The following KDR variants were observed in gnomAD, a reference collection of about 807,000 sequenced individuals.
The protein encoded by KDR is kinase insert domain receptor.
A neutral mutation model predicts 160.9 loss-of-function variants in KDR; 43 were observed. The ratio of observed to expected loss-of-function variants is 0.27; its 90% CI spans 0.21 to 0.34. The LOEUF is 0.34. Ranked by LOEUF, KDR falls within the 10% of genes least tolerant of loss-of-function variation. The pLI is 1.00. For missense variants in KDR, 1,469 were observed against 1,666.4 expected (o/e 0.88, Z 2.06); for synonymous variants, 617 against 600.1 (o/e 1.03, Z -0.41).
At position 55,110,326 on chromosome 4, in the gene KDR, G is replaced by A. The variant is rs556996426; in HGVS notation, c.1255+77C>T. 4.1e-6 allele frequency: 6 copies of A among 1,450,280 alleles called. No homozygotes were observed. In the African/African-American group the frequency reaches 7.0e-5, roughly 17 times the overall value. The allele number at this position is 1,450,280 out of a possible 1,614,324, so 89.8% of individuals were successfully genotyped here. ...ATGAGTGAAGCAGCAGGAGGCAGAGGAACGGTGGTTTGGCTGATTTGGAAG... is the reference window on the plus strand; with the variant it reads ...ATGAGTGAAGCAGCAGGAGGCAGAGAAACGGTGGTTTGGCTGATTTGGAAG... On this transcript the variant is annotated intron_variant, in intron 9 of 29. Coordinates refer to ENST00000263923, the MANE Select transcript of KDR (RefSeq NM_002253.4).
At chr4:55,101,588 T>C (rs1479462989) in intron 15 of KDR, among the ~76,000 whole-genome samples, 3 of 152,176 alleles carry the variant, frequency 2.0e-5, no homozygotes, top group Non-Finnish European at 4.4e-5. Flanking sequence ...GCTGCACCTA[T>C]TAATCCATCT....
chr4:55,109,884 A>G (rs1399453480), intron 9 of KDR, among the ~76,000 whole-genome samples: 3 of 152,120 alleles, frequency 2.0e-5, no homozygotes, highest in Admixed American at 6.5e-5. Flanking sequence ...TCAAAATCAG[A>G]TCCTGAACTC....
In KDR at chr4:55,079,695, G is replaced by C. The variant is rs1019988006; in HGVS notation, c.*246C>G. 1.8e-6 allele frequency: 1 copy of C among 565,172 alleles called. No individual in the cohort carries two copies. Among genetic ancestry groups the C allele is most frequent in the Admixed American group, 3.0e-5 (1 of 33,162 alleles). 35.0% of individuals were successfully genotyped at this position (565,172 alleles called of 1,614,324 possible). ...ACCCGCAGCAGGGGGCATGATAAAT[G>C]CTTTTTAAATGAATGAAAAAGAGGA... is the stretch of plus-strand genomic sequence containing the variant. On this transcript the variant is annotated 3_prime_UTR_variant, in exon 30 of 30. Transcript: ENST00000263923.
At chr4:55,090,985 G>T (rs980983173) in intron 22 of KDR, among the ~76,000 whole-genome samples, 4 of 148,874 alleles carry the variant, frequency 2.7e-5, no homozygotes, top group African/African-American at 7.4e-5. Flanking sequence ...CTCCCAAGTA[G>T]TTGGGACCAC....
At position 55,079,852 on chromosome 4, in the gene KDR, A is replaced by G; in HGVS notation, c.*89T>C. The G allele has an allele frequency of 8.5e-7, 1 of 1,170,580 alleles. No homozygotes were observed. The highest frequency in any genetic ancestry group is 1.3e-6 in the Non-Finnish European group (1 of 776,850). The allele number at this position is 1,170,580 out of a possible 1,614,324, so 72.5% of individuals were successfully genotyped here. ...GTCGAAATGAAAATCAAATGCGGCT[A>G]CTTCCTGCTGGTGGAAAGAACAACA... On this transcript the variant is annotated 3_prime_UTR_variant, in exon 30 of 30. Transcript: ENST00000263923.
chr4:55,118,487 C>T (rs1720786897), intron 3 of KDR, 117 bp downstream of exon 3: 4 of 787,420 alleles, frequency 5.1e-6, no homozygotes, highest in Non-Finnish European at 6.6e-6. Context: ...TGTGTGTATT[C>T]CTCTTGGCAA....
chr4:55,118,157 C>CA (rs1231217725), intron 3 of KDR, among the ~76,000 whole-genome samples: 1 of 152,088 alleles, frequency 6.6e-6, no homozygotes, highest in Non-Finnish European at 1.5e-5. Context: ...TTCCTATGTG[C>CA]AAAAAACTCC....
At chr4:55,085,930 G>A (rs1203850067) in intron 27 of KDR, among the ~76,000 whole-genome samples, 1 of 152,162 alleles carries the variant, frequency 6.6e-6, no homozygotes, top group East Asian at 1.9e-4. Flanking sequence ...AGCACCCGGT[G>A]AGCCAGGAGG....
At position 55,079,473 on chromosome 4, in the gene KDR, T is replaced by C. The variant is rs1719669431; in HGVS notation, c.*468A>G. The C allele has an allele frequency of 6.8e-6, 2 of 295,842 alleles. No homozygotes were observed. Among genetic ancestry groups the C allele is most frequent in the Non-Finnish European group, 1.3e-5 (2 of 155,538 alleles). The allele number at this position is 295,842 out of a possible 1,614,324, so 18.3% of individuals were successfully genotyped here. On this transcript the variant is annotated 3_prime_UTR_variant, in exon 30 of 30. Transcript: ENST00000263923. ...CAATCCGAATTCCACACTTAAGGCT[T>C]GGCTTGGGACCCACGTCCTAAACAA... is the stretch of plus-strand genomic sequence containing the variant.
intron 27 of KDR, among the ~76,000 whole-genome samples, chr4:55,087,398 T>G (rs1719889842): frequency 6.6e-6 from 1 of 152,254 alleles, no homozygotes; most frequent in African/African-American, 2.4e-5. Flanking sequence ...GGCAATGCTG[T>G]GGCAGCAGCG....
In KDR at chr4:55,079,463, A is replaced by T; in HGVS notation, c.*478T>A. 3.4e-6 allele frequency: 1 copy of T among 290,348 alleles called. No homozygotes were observed. The highest frequency in any genetic ancestry group is 8.3e-5 in the South Asian group (1 of 12,008). 18.0% of individuals were successfully genotyped at this position (290,348 alleles called of 1,614,324 possible). On this transcript the variant is annotated 3_prime_UTR_variant, in exon 30 of 30. Transcript: ENST00000263923. ...TCCTTTCTATCAATCCGAATTCCAC[A>T]CTTAAGGCTTGGCTTGGGACCCACG...
chr4:55,092,019 A>T (rs528267705), intron 22 of KDR, among the ~76,000 whole-genome samples: 9 of 152,144 alleles, frequency 5.9e-5, no homozygotes, highest in Non-Finnish European at 1.3e-4. Context: ...TTTTTGATGG[A>T]TGTTGATGAA....
rs1013271018 is a variant in KDR at position 55,089,544 on chromosome 4, T to C, written c.3305-71A>G. 2.1e-5 allele frequency: 29 copies of C among 1,388,424 alleles called. No individual in the cohort carries two copies. The East Asian group carries it at 2.5e-4, about 12-fold the overall frequency. The allele number at this position is 1,388,424 out of a possible 1,614,324, so 86.0% of individuals were successfully genotyped here. ...TATAGAAAACCCTGAGCCTGAATCT[T>C]GCACATCCTCATCACCTATGTATCT... is the stretch of plus-strand genomic sequence containing the variant. On this transcript the variant is annotated intron_variant, in intron 24 of 29. Transcript: ENST00000263923.
chr4:55,091,207 GA>G (rs1446370397), intron 22 of KDR, among the ~76,000 whole-genome samples: 5 of 152,080 alleles, frequency 3.3e-5, no homozygotes, highest in African/African-American at 1.2e-4. Flanking sequence ...AGGCATTGCT[GA>G]CCTTCCCACA....
chr4:55,088,590 C>A (rs778400091), intron 26 of KDR, among the ~76,000 whole-genome samples: 2 of 152,044 alleles, frequency 1.3e-5, no homozygotes, highest in African/African-American at 2.4e-5. Context: ...CAGATTTTTT[C>A]TTTGTTTTAA....
chr4:55,115,433 T>G, intron 3 of KDR, 22 bp from the exon 4 acceptor site: 3 of 1,262,302 alleles, frequency 2.4e-6, no homozygotes, highest in Non-Finnish European at 3.5e-6. Flanking sequence ...TTTAGTTTTA[T>G]TAATGAGTTA....
chr4:55,093,261 G>T (rs965430165), intron 21 of KDR, among the ~76,000 whole-genome samples: 6 of 151,998 alleles, frequency 3.9e-5, no homozygotes, highest in African/African-American at 1.4e-4. Flanking sequence ...GGCCTGGGAG[G>T]GTGTTTTTTC....
Position 55,089,945 on chromosome 4 carries a change from T to G in KDR, c.3192+11A>C. On this transcript the variant is annotated intron_variant, in intron 23 of 29. Coordinates refer to ENST00000263923, the MANE Select transcript of KDR (RefSeq NM_002253.4). ...ACTTAACCAAGCACTGGGTTCATAT[T>G]TGAAACTTACATCTCCTTTTCTGAC... The G allele has an allele frequency of 6.2e-7, 1 of 1,614,122 alleles. No homozygotes were observed. The highest frequency in any genetic ancestry group is 1.7e-5 in the Admixed American group (1 of 60,028).
At chr4:55,122,988 C>T (rs1309573343) in intron 1 of KDR, 1 of 152,286 alleles carries the variant, frequency 6.6e-6, no homozygotes, top group Admixed American at 6.6e-5. Context: ...CCAGGCACTT[C>T]TTGAACTCCT....
Sources: allele counts gnomAD v4.1 joint callset (sites outside exome capture counted in the v4.1 genomes callset), GRCh38; gene constraint gnomAD v4.1.1; transcripts MANE v1.5; gene names NCBI Gene and HGNC (gene_info 2026-07-23, HGNC 2026-07-21).